Variants in PRKCH observed in about 807,000 individuals in gnomAD.
PRKCH encodes the protein protein kinase C eta type.
A neutral mutation model predicts 82.5 loss-of-function variants in PRKCH; 28 were observed. The ratio of observed to expected loss-of-function variants is 0.34; its 90% CI spans 0.25 to 0.47. The LOEUF is 0.47. Ranked by LOEUF, PRKCH falls within the 20% of genes least tolerant of loss-of-function variation. The pLI, the probability that PRKCH is intolerant of heterozygous loss-of-function variation, is 1.00. For synonymous variants in PRKCH, 322 were observed against 327.4 expected (o/e 0.98, Z 0.18); for missense variants, 705 against 881.8 (o/e 0.80, Z 2.54).
chr14:61,527,264 C>T (rs545860498), intron 10 of PRKCH, among the ~76,000 whole-genome samples: 1 of 50,366 alleles, frequency 2.0e-5, no homozygotes, highest in East Asian at 6.2e-4. Context: ...ATGCTTTCAA[C>T]CAGTCTCCAT....
At chr14:61,306,796 T>G (rs2045488482) in intron 1 of PRKCH, 1 of 152,242 alleles carries the variant, frequency 6.6e-6, no homozygotes, top group African/African-American at 2.4e-5. Flanking sequence ...TCTTCATGAT[T>G]ATAGATATTC....
In PRKCH at chr14:61,457,633, G is replaced by T. The variant is rs372426911; in HGVS notation, c.1232G>T (p.Arg411Leu). ...MTEKRILSLA[R>L]NHPFLTQLFC... ...GAGAAAAGGATCCTGTCTCTGGCCC[G>T]CAATCACCCCTTCCTCACTCAGTTG... Residue 411 changes from arginine (R) to leucine (L), a missense_variant, in exon 9 of 14, where the codon CGC (arginine) becomes CTC (leucine). Arg to Leu is a moderately radical substitution (Grantham distance 102). Transcript: ENST00000332981. The T allele has an allele frequency of 1.2e-6, 2 of 1,613,964 alleles. No homozygotes were observed. The highest frequency in any genetic ancestry group is 2.7e-5 in the African/African-American group (2 of 74,898).
chr14:61,228,881 A>G (rs1344796781), intron 1 of PRKCH, among the ~76,000 whole-genome samples: 1 of 151,570 alleles, frequency 6.6e-6, no homozygotes, highest in Non-Finnish European at 1.5e-5. Flanking sequence ...TCCCTTTAAA[A>G]AAAATTTTTT....
In PRKCH at chr14:61,280,182, C is replaced by G. The variant is rs769026213; in HGVS notation, c.-19+92514C>G. 3 of 1,614,148 alleles carry G rather than the reference C, an allele frequency of 1.9e-6. No homozygotes were observed. Among genetic ancestry groups the G allele is most frequent in the Non-Finnish European group, 2.5e-6 (3 of 1,180,014 alleles). ...TGAGGATGCAGAGGGAGCCGACGACCAGGTAGGCGATGCCCAGGAAGGGGT... is the reference window on the plus strand; with the variant it reads ...TGAGGATGCAGAGGGAGCCGACGACGAGGTAGGCGATGCCCAGGAAGGGGT... On this transcript the variant is annotated intron_variant, in intron 1 of 3. Coordinates refer to the PRKCH transcript ENST00000555185. The surrounding 1 kb of genome is among the most constrained non-coding windows in gnomAD (Gnocchi z 5.0).
intron 9 of PRKCH, among the ~76,000 whole-genome samples, chr14:61,462,147 T>G (rs554166580): frequency 6.6e-6 from 1 of 152,294 alleles, no homozygotes; most frequent in Non-Finnish European, 1.5e-5. Context: ...CAGGCAGCAC[T>G]TTGGGAGGCC....
At chr14:61,216,440 G>A (rs965450713) in intron 1 of PRKCH, among the ~76,000 whole-genome samples, 15 of 151,762 alleles carry the variant, frequency 9.9e-5, no homozygotes, top group South Asian at 6.3e-4. Flanking sequence ...ACTGCACTCC[G>A]GCCTGTGTGA....
intron 1 of PRKCH, among the ~76,000 whole-genome samples, chr14:61,348,857 A>G (rs1294948393): frequency 6.6e-6 from 1 of 152,252 alleles, no homozygotes; most frequent in Non-Finnish European, 1.5e-5. Flanking sequence ...TGTAAGCACC[A>G]TGAGGGCAAG....
intron 2 of PRKCH, among the ~76,000 whole-genome samples, chr14:61,434,874 T>C (rs79531397): frequency 1.2e-4 from 18 of 152,258 alleles, no homozygotes; most frequent in Non-Finnish European, 2.2e-4. Context: ...AAAGATTTTT[T>C]AAAAGCATAT....
chr14:61,205,273 T>C (rs950450351), intron 1 of PRKCH, among the ~76,000 whole-genome samples: 3 of 152,326 alleles, frequency 2.0e-5, no homozygotes, highest in South Asian at 4.1e-4. Context: ...GGTTTCCTTA[T>C]AGAGGACCAA....
intron 12 of PRKCH, among the ~76,000 whole-genome samples, chr14:61,532,799 T>A (rs2043057078): frequency 1.3e-5 from 2 of 152,204 alleles, no homozygotes; most frequent in Admixed American, 1.3e-4. Context: ...CTAAGGAGAA[T>A]CGCATCCAGT....
At chr14:61,341,022 G>T (rs1349969117) in intron 1 of PRKCH, among the ~76,000 whole-genome samples, 1 of 152,168 alleles carries the variant, frequency 6.6e-6, no homozygotes, top group African/African-American at 2.4e-5. Flanking sequence ...CTTGGAACTG[G>T]TTTCCATGAA....
At chr14:61,537,189 T>G (rs1026572722) in intron 12 of PRKCH, among the ~76,000 whole-genome samples, 3 of 152,194 alleles carry the variant, frequency 2.0e-5, no homozygotes, top group Admixed American at 1.3e-4. Flanking sequence ...TTCTGCTCAA[T>G]ACTTAACGTG....
At chr14:61,224,644 GA>G (rs1359070344) in intron 1 of PRKCH, among the ~76,000 whole-genome samples, 1 of 152,204 alleles carries the variant, frequency 6.6e-6, no homozygotes, top group African/African-American at 2.4e-5. Flanking sequence ...GGAAACCACA[GA>G]GGTATATTGC....
intron 1 of PRKCH, among the ~76,000 whole-genome samples, chr14:61,328,295 T>A (rs1415674516): frequency 1.4e-5 from 2 of 147,314 alleles, no homozygotes; most frequent in Non-Finnish European, 3.0e-5. Flanking sequence ...AGACTGGGCC[T>A]GACTGCTATA....
At chr14:61,253,062 A>T (rs768311498) in intron 1 of PRKCH, among the ~76,000 whole-genome samples, 1 of 152,196 alleles carries the variant, frequency 6.6e-6, no homozygotes, top group Non-Finnish European at 1.5e-5. Context: ...GAGGAGAAAA[A>T]TTGTTTTTGT....
chr14:61,514,048 A>G (rs1594777050), intron 10 of PRKCH, among the ~76,000 whole-genome samples: 1 of 152,176 alleles, frequency 6.6e-6, no homozygotes. Context: ...CTGAACAGTC[A>G]CCAGATAGCA....
intron 1 of PRKCH, among the ~76,000 whole-genome samples, chr14:61,275,253 A>G (rs538090901): frequency 6.6e-6 from 1 of 152,354 alleles, no homozygotes; most frequent in African/African-American, 2.4e-5. Context: ...TCTGTACAAA[A>G]CTGAGCAAAA....
chr14:61,470,400 A>G (rs1177656392), intron 9 of PRKCH, among the ~76,000 whole-genome samples: 1 of 152,028 alleles, frequency 6.6e-6, no homozygotes, highest in Non-Finnish European at 1.5e-5. Flanking sequence ...GGCTGTGAGG[A>G]CGCCCTGTCT....
intron 1 of PRKCH, among the ~76,000 whole-genome samples, chr14:61,287,122 T>C (rs1272966318): frequency 6.9e-6 from 1 of 145,252 alleles, no homozygotes; most frequent in East Asian, 2.1e-4. Context: ...GGAGAATCGC[T>C]TGAACCCGGG....
Sources: allele counts gnomAD v4.1 joint callset (sites outside exome capture counted in the v4.1 genomes callset), GRCh38; gene constraint gnomAD v4.1.1; non-coding constraint Gnocchi (gnomAD v3.1); transcripts MANE v1.5; gene names NCBI Gene and HGNC (gene_info 2026-07-23, HGNC 2026-07-21).